CRYBG3: variants seen among roughly 807,000 people sequenced by gnomAD.
The protein encoded by CRYBG3 is very large A-kinase anchor protein.
Under a neutral mutation model 244.2 loss-of-function variants are expected in CRYBG3, and 127 were observed. The observed-to-expected ratio is 0.52, with a 90% confidence interval of 0.45 to 0.60. CRYBG3 has a LOEUF of 0.60. Among genes scored for constraint, CRYBG3 ranks in the 20% least tolerant of loss-of-function variants. The pLI, the probability that CRYBG3 is intolerant of heterozygous loss-of-function variation, is 0.00. For synonymous variants in CRYBG3, 1,132 were observed against 1,195.8 expected, an observed-to-expected ratio of 0.95 and a Z score of 1.10; for missense variants, 3,325 against 3,442.5, an observed-to-expected ratio of 0.97 and a Z score of 0.85.
chr3:97,837,113 T>C (rs899847342), intron 1 of CRYBG3: 3 of 152,180 alleles, frequency 2.0e-5, no homozygotes, highest in Non-Finnish European at 4.4e-5. Context: ...TTCTGAGTTG[T>C]TGCAAAGCAT....
intron 7 of CRYBG3, 46 bp from the exon 8 acceptor site, chr3:97,886,585 G>A (rs1278005514): frequency 4.5e-6 from 7 of 1,540,864 alleles, no homozygotes; most frequent in Non-Finnish European, 6.1e-6. Context: ...AGACTGGACT[G>A]TGTGACTCTA....
At position 97,830,021 on chromosome 3, in the gene CRYBG3, C is replaced by CTGGTTA. The variant is rs1207751701; in HGVS notation, c.149+7670_149+7671insTATGGT. On this transcript the variant is annotated intron_variant, in intron 1 of 21. Transcript: ENST00000389622. Reference sequence around the variant, plus strand: ...AACTTTGGACAATATATATTGACCTCTGGTAGATGAGCACTCAGCTATTTT... The same window carrying CTGGTTA: ...AACTTTGGACAATATATATTGACCTCTGGTTATGGTAGATGAGCACTCAGCTATTTT... Among the ~76,000 whole-genome samples, 9 of 152,154 alleles carry CTGGTTA rather than the reference C, an allele frequency of 5.9e-5. 1 individual carries two copies. The highest frequency in any genetic ancestry group is 2.2e-4 in the African/African-American group (9 of 41,496).
At chr3:97,856,052 G>A (rs911711600) in intron 2 of CRYBG3, among the ~76,000 whole-genome samples, 3 of 152,034 alleles carry the variant, frequency 2.0e-5, no homozygotes, top group African/African-American at 7.2e-5. Context: ...GGAGACTGGG[G>A]TCTATTTCAC....
chr3:97,839,884 T>C (rs143358370), intron 1 of CRYBG3, among the ~76,000 whole-genome samples: 12 of 152,176 alleles, frequency 7.9e-5, no homozygotes, highest in Non-Finnish European at 1.5e-4. Context: ...CCTGGCCTGG[T>C]TATAGATTAT....
chr3:97,931,851 A>G (rs1442517918), intron 17 of CRYBG3, among the ~76,000 whole-genome samples: 2 of 151,778 alleles, frequency 1.3e-5, no homozygotes, highest in African/African-American at 2.4e-5. Flanking sequence ...GTCTGGGTCT[A>G]TTTTTCTCTG....
At chr3:97,942,604 A>G (rs2040256795) in intron 21 of CRYBG3, 161 bp downstream of exon 21, 2 of 658,830 alleles carry the variant, frequency 3.0e-6, no homozygotes, top group Non-Finnish European at 4.8e-6. Context: ...CAAACAAAAC[A>G]ATTAGCAGAA....
intron 1 of CRYBG3, among the ~76,000 whole-genome samples, chr3:97,840,416 A>C (rs573979370): frequency 1.3e-5 from 2 of 152,258 alleles, no homozygotes; most frequent in South Asian, 4.2e-4. Context: ...AAAGGATGTA[A>C]GTGAGAATTT....
chr3:97,935,604 C>A (rs577244176), intron 18 of CRYBG3, among the ~76,000 whole-genome samples: 1 of 152,174 alleles, frequency 6.6e-6, no homozygotes, highest in South Asian at 2.1e-4. Flanking sequence ...AAGTTGGTAT[C>A]TTTTCCTGCA....
intron 16 of CRYBG3, among the ~76,000 whole-genome samples, chr3:97,912,593 A>G (rs1327330534): frequency 2.0e-5 from 3 of 152,218 alleles, no homozygotes; most frequent in African/African-American, 7.2e-5. Flanking sequence ...TGCTATAAAA[A>G]TACCTGGTGT....
intron 19 of CRYBG3, among the ~76,000 whole-genome samples, chr3:97,938,302 A>G (rs1472208731): frequency 6.6e-6 from 1 of 152,014 alleles, no homozygotes; most frequent in Non-Finnish European, 1.5e-5. Context: ...CAAATCTACT[A>G]TGCTTTAAAA....
At chr3:97,901,278 T>C (rs1255936864) in intron 15 of CRYBG3, among the ~76,000 whole-genome samples, 1 of 152,224 alleles carries the variant, frequency 6.6e-6, no homozygotes, top group East Asian at 1.9e-4. Context: ...TATTTTAAAT[T>C]ACAAATTCAG....
intron 17 of CRYBG3, among the ~76,000 whole-genome samples, chr3:97,922,395 G>A (rs548259795): frequency 3.5e-4 from 54 of 152,114 alleles, no homozygotes; most frequent in African/African-American, 1.2e-3. Flanking sequence ...ATCAGAGTGA[G>A]CAGGCAACCT....
chr3:97,900,990 C>G (rs78456674), intron 15 of CRYBG3, among the ~76,000 whole-genome samples: 9,336 of 152,214 alleles, frequency 0.061, 394 homozygotes, highest in Middle Eastern at 0.092. Context: ...CCAACATTTG[C>G]TTATTTTCTA....
intron 3 of CRYBG3, among the ~76,000 whole-genome samples, chr3:97,868,050 G>A (rs1237419414): frequency 2.0e-5 from 3 of 152,094 alleles, no homozygotes; most frequent in South Asian, 4.1e-4. Flanking sequence ...TTGGGAGGCC[G>A]AGGCGGGCGG....
chr3:97,823,881 A>T (rs182582890), intron 1 of CRYBG3, among the ~76,000 whole-genome samples: 1 of 152,182 alleles, frequency 6.6e-6, no homozygotes, highest in African/African-American at 2.4e-5. Flanking sequence ...TTTTTAAGGC[A>T]CTTCTCAATT....
At position 97,912,288 on chromosome 3, in the gene CRYBG3, T is replaced by A; in HGVS notation, c.8114+12T>A. 7.3e-7 allele frequency: 1 copy of A among 1,376,332 alleles called. No individual in the cohort carries two copies. Among genetic ancestry groups the A allele is most frequent in the Non-Finnish European group, 1.0e-6 (1 of 983,268 alleles). 85.3% of individuals were successfully genotyped at this position (1,376,332 alleles called of 1,614,324 possible). A position where few individuals can be genotyped will look rare whatever the true frequency, so the allele number is the denominator to read the frequency against. ...GTTCTTCGAGGTTGGTAAGTATGCT[T>A]ACTTAGTGGTTTCTGCTGTTATTTA... is the stretch of plus-strand genomic sequence containing the variant. On this transcript the variant is annotated intron_variant, in intron 16 of 21. Transcript: ENST00000389622.
intron 4 of CRYBG3, 31 bp from the exon 5 acceptor site, chr3:97,879,672 TA>T: frequency 6.5e-7 from 1 of 1,531,664 alleles, no homozygotes; most frequent in African/African-American, 1.4e-5. Flanking sequence ...CGATGTTTCT[TA>T]AAGCTTACTT....
intron 1 of CRYBG3, among the ~76,000 whole-genome samples, chr3:97,833,156 G>A (rs371835973): frequency 8.5e-5 from 13 of 152,144 alleles, no homozygotes; most frequent in African/African-American, 2.4e-4. Flanking sequence ...ACAGTGTGGC[G>A]ATTCCTCAAG....
intron 2 of CRYBG3, 71 bp downstream of exon 2, chr3:97,843,332 T>C: frequency 1.2e-6 from 1 of 805,508 alleles, no homozygotes; most frequent in South Asian, 1.7e-5. Flanking sequence ...TTTTAGATTC[T>C]GTCATCTTAT....
Sources: gnomAD v4.1 joint callset for allele counts (sites outside exome capture counted in the v4.1 genomes callset) on GRCh38, gnomAD v4.1.1 for gene constraint, MANE v1.5 for transcripts, NCBI Gene and HGNC (gene_info 2026-07-23, HGNC 2026-07-21) for gene names.